CHM: variants seen among roughly 807,000 people sequenced by gnomAD.
CHM encodes CHM Rab escort protein, also known as rab proteins geranylgeranyltransferase component A 1.
Under a neutral mutation model 49.0 loss-of-function variants are expected in CHM, and 10 were observed. The ratio of observed to expected loss-of-function variants is 0.20; its 90% CI spans 0.13 to 0.35. CHM has a LOEUF of 0.35. Ranked by LOEUF, CHM falls within the 10% of genes least tolerant of loss-of-function variation. The pLI is 1.00. For missense variants in CHM, 455 were observed against 478.4 expected (o/e 0.95, Z 0.46); for synonymous variants, 184 against 167.5 (o/e 1.10, Z -0.76).
chrX:85,891,804 T>A (rs1366478264), intron 12 of CHM, among the ~76,000 whole-genome samples: 1 of 111,301 alleles, frequency 9.0e-6, no homozygotes, highest in Admixed American at 9.5e-5. Context: ...TGATGACAGA[T>A]CCACCAACAG....
At chrX:86,004,700 CAAG>C (rs1238099351) in intron 2 of CHM, among the ~76,000 whole-genome samples, 1 of 111,863 alleles carries the variant, frequency 8.9e-6, no homozygotes, top group Non-Finnish European at 1.9e-5. Context: ...ATCAATTCAA[CAAG>C]AAGAGCTAAC....
At chrX:85,968,352 T>C (rs1040286493) in intron 4 of CHM, among the ~76,000 whole-genome samples, 2 of 112,356 alleles carry the variant, frequency 1.8e-5, no homozygotes, top group African/African-American at 6.5e-5. Flanking sequence ...GTCAACCTCT[T>C]GTCATGTTTA....
At chrX:86,002,749 G>A (rs932560762) in intron 2 of CHM, among the ~76,000 whole-genome samples, 33 of 112,584 alleles carry the variant, frequency 2.9e-4, no homozygotes, top group African/African-American at 8.7e-4. Context: ...TGAACTGGGC[G>A]GAGCTGACCA....
chrX:85,866,716 G>A (rs1923722302), intron 14 of CHM, among the ~76,000 whole-genome samples: 1 of 113,254 alleles, frequency 8.8e-6, no homozygotes. Flanking sequence ...GGCTGTGGGA[G>A]CCTAGCCCTT....
At chrX:85,897,408 G>C (rs1292030463) in intron 11 of CHM, among the ~76,000 whole-genome samples, 1 of 100,208 alleles carries the variant, frequency 1.0e-5, no homozygotes, top group Non-Finnish European at 2.0e-5. Context: ...ACAGGAGAGA[G>C]AGCAGGCAAT....
intron 2 of CHM, among the ~76,000 whole-genome samples, chrX:86,005,856 C>A (rs1348108281): frequency 1.8e-5 from 2 of 111,835 alleles, no homozygotes; most frequent in African/African-American, 6.5e-5. Context: ...TGGTAGCAAT[C>A]CTTCTGAAAC....
chrX:86,026,110 T>C (rs1933809272), intron 2 of CHM, among the ~76,000 whole-genome samples: 1 of 53,553 alleles, frequency 1.9e-5, no homozygotes, highest in Non-Finnish European at 3.0e-5. Flanking sequence ...TTCTTTTTTT[T>C]TTTTTTTTTT....
At chrX:85,959,391 A>G (rs1175825281) in intron 5 of CHM, among the ~76,000 whole-genome samples, 3 of 111,350 alleles carry the variant, frequency 2.7e-5, no homozygotes, top group Non-Finnish European at 3.8e-5. Context: ...TATTTTTTTA[A>G]TCTTAATGAT....
chrX:85,919,371 G>C (rs1313803106), intron 8 of CHM, among the ~76,000 whole-genome samples: 1 of 111,504 alleles, frequency 9.0e-6, no homozygotes, highest in Non-Finnish European at 1.9e-5. Flanking sequence ...TTATGAAATA[G>C]TATAATGTTT....
chrX:85,986,033 C>T (rs1305054783), intron 2 of CHM, among the ~76,000 whole-genome samples: 1 of 111,055 alleles, frequency 9.0e-6, no homozygotes, highest in African/African-American at 3.3e-5. Context: ...CTTGGACTAA[C>T]GAAGAAGCAA....
chrX:85,917,744 C>T (rs1412019166), intron 8 of CHM, among the ~76,000 whole-genome samples: 1 of 108,944 alleles, frequency 9.2e-6, no homozygotes, highest in Admixed American at 9.8e-5. Context: ...AAAAAAAAAT[C>T]ACTACAGGAA....
chrX:85,948,113 C>T (rs1392960845), intron 8 of CHM, among the ~76,000 whole-genome samples: 3 of 111,836 alleles, frequency 2.7e-5, no homozygotes, highest in African/African-American at 9.7e-5. Context: ...CCCACTGATA[C>T]TGCTCCAATT....
Position 85,941,712 on chromosome X carries a change from G to A in CHM, c.1166+14441C>T, listed in dbSNP as rs73506422. 3.1e-3 allele frequency among the ~76,000 whole-genome samples: 342 copies of A among 110,726 alleles called. 4 individuals carry two copies. Among genetic ancestry groups the A allele is most frequent in the African/African-American group, 0.011 (334 of 30,465 alleles). On this transcript the variant is annotated intron_variant, in intron 8 of 14. Transcript: ENST00000357749. ...TACAAAAGGTTTCAATGGAGACCAC[G>A]CGGCCTGCAATACCTAAACTATGTA... is the stretch of plus-strand genomic sequence containing the variant.
At chrX:85,943,015 G>T (rs2147641243) in intron 8 of CHM, among the ~76,000 whole-genome samples, 1 of 103,773 alleles carries the variant, frequency 9.6e-6, no homozygotes, top group Admixed American at 1.1e-4. Context: ...GCAGTGTTTG[G>T]TTTTTTGTCC....
At chrX:86,000,861 G>C (rs1468210967) in intron 2 of CHM, among the ~76,000 whole-genome samples, 1 of 111,436 alleles carries the variant, frequency 9.0e-6, no homozygotes, top group Non-Finnish European at 1.9e-5. Flanking sequence ...GGGGAGCAGA[G>C]GGCATGAAGT....
At chrX:85,959,307 C>T (rs1930170532) in intron 5 of CHM, among the ~76,000 whole-genome samples, 1 of 111,450 alleles carries the variant, frequency 9.0e-6, no homozygotes, top group African/African-American at 3.3e-5. Context: ...GTTAGAGTTC[C>T]TCCTCAGACC....
chrX:85,908,487 A>C (rs1926739801), intron 9 of CHM, among the ~76,000 whole-genome samples: 1 of 111,991 alleles, frequency 8.9e-6, no homozygotes, highest in Admixed American at 9.5e-5. Context: ...GAAGGTATAA[A>C]TATGAACTTA....
intron 10 of CHM, 105 bp downstream of exon 10, chrX:85,900,979 T>C (rs1239077594): frequency 1.6e-5 from 9 of 579,112 alleles, no homozygotes; most frequent in Non-Finnish European, 2.6e-5. Flanking sequence ...AGATATTGAA[T>C]ATATCTTTGG....
intron 14 of CHM, among the ~76,000 whole-genome samples, chrX:85,868,593 T>C (rs1211082924): frequency 9.0e-6 from 1 of 111,295 alleles, no homozygotes; most frequent in Non-Finnish European, 1.9e-5. Context: ...ATCAATTTTA[T>C]CTTCTATCTC....
Sources: allele counts gnomAD v4.1 joint callset (sites outside exome capture counted in the v4.1 genomes callset), GRCh38; gene constraint gnomAD v4.1.1; transcripts MANE v1.5; gene names NCBI Gene and HGNC (gene_info 2026-07-23, HGNC 2026-07-21).